CEP85L: variants seen among roughly 807,000 people sequenced by gnomAD.
CEP85L encodes the protein centrosomal protein 85L.
Under a neutral mutation model 100.3 loss-of-function variants are expected in CEP85L, and 60 were observed. The ratio of observed to expected loss-of-function variants is 0.60; its 90% CI spans 0.49 to 0.74. The LOEUF (loss-of-function observed/expected upper bound fraction) is 0.74, where lower values mean the gene tolerates loss of function less well. Among genes scored for constraint, CEP85L ranks in the 30% least tolerant of loss-of-function variants. CEP85L has a pLI of 0.00. For synonymous variants in CEP85L, 319 were observed against 322.7 expected (o/e 0.99, Z 0.12); for missense variants, 973 against 936.2 (o/e 1.04, Z -0.51).
At position 118,667,779 on chromosome 6, in the gene CEP85L, C is replaced by T. The variant is rs560680195; in HGVS notation, c.-27-14971G>A. Among the ~76,000 whole-genome samples the T allele has an allele frequency of 4.6e-5, 7 of 152,264 alleles. No homozygotes were observed. In the South Asian group the frequency reaches 1.0e-3, roughly 23 times the overall value. On this transcript the variant is annotated intron_variant, in intron 1 of 13. Transcript: ENST00000368488. ...CAGCCCAGTCCAATGCACAGATCTC[C>T]CCCTTTCTATCTACTACCCACTGTG...
At chr6:118,529,793 T>G (rs973944) in intron 3 of CEP85L, among the ~76,000 whole-genome samples, 70,502 of 151,824 alleles carry the variant, frequency 0.46, 16,883 homozygotes, top group Middle Eastern at 0.57. Flanking sequence ...TTAGCTTTAG[T>G]ACATTAATAT....
At chr6:118,492,427 T>C (rs911026818) in intron 5 of CEP85L, among the ~76,000 whole-genome samples, 2 of 152,084 alleles carry the variant, frequency 1.3e-5, no homozygotes, top group East Asian at 1.9e-4. Flanking sequence ...TAGAAAAAAA[T>C]GGCACAAAAT....
At chr6:118,568,385 C>G (rs1283943543) in intron 2 of CEP85L, among the ~76,000 whole-genome samples, 1 of 152,212 alleles carries the variant, frequency 6.6e-6, no homozygotes. Context: ...AGCCAGTAAA[C>G]AACTTCTGCT....
At chr6:118,593,277 C>T (rs962045062) in intron 2 of CEP85L, among the ~76,000 whole-genome samples, 1 of 150,986 alleles carries the variant, frequency 6.6e-6, no homozygotes, top group African/African-American at 2.4e-5. Flanking sequence ...TGTGAATATA[C>T]TAAAAGTCAT....
Position 118,462,033 on chromosome 6 carries a change from AAATT to A in CEP85L, c.*3368_*3371del, listed in dbSNP as rs1434506853. On this transcript the variant is annotated 3_prime_UTR_variant, in exon 13 of 13. Coordinates refer to ENST00000368491, the MANE Select transcript of CEP85L (RefSeq NM_001042475.3). ...AGCTCCTTTAAAAACATCCTCTAAG[AAATT>A]AATAATTCTTGCACTATGAAAGAAT... 2 of 152,070 alleles carry A rather than the reference AAATT, an allele frequency of 1.3e-5. No individual in the cohort carries two copies. Among genetic ancestry groups the A allele is most frequent in the South Asian group, 2.1e-4 (1 of 4,834 alleles). The allele number at this position is 152,070 out of a possible 1,614,324, so 9.4% of individuals were successfully genotyped here.
intron 4 of CEP85L, among the ~76,000 whole-genome samples, chr6:118,519,659 A>G (rs1776545053): frequency 6.6e-6 from 1 of 151,410 alleles, no homozygotes; most frequent in Non-Finnish European, 1.5e-5. Context: ...AAAGTAATAA[A>G]TAGCCCTATG....
chr6:118,461,509 T>C lies in CEP85L; in HGVS notation c.*3896A>G, dbSNP rs1432288842. 1 of 152,094 alleles carries C rather than the reference T, an allele frequency of 6.6e-6. No homozygotes were observed. Among genetic ancestry groups the C allele is most frequent in the Non-Finnish European group, 1.5e-5 (1 of 67,956 alleles). 9.4% of individuals were successfully genotyped at this position (152,094 alleles called of 1,614,324 possible). On this transcript the variant is annotated 3_prime_UTR_variant, in exon 13 of 13. Coordinates refer to ENST00000368491, the MANE Select transcript of CEP85L (RefSeq NM_001042475.3). ...ATGTAAAATAGAAATAAATGCTTAC[T>C]GCAGGCAAAAAGGCACAAAAGGTTC... is the stretch of plus-strand genomic sequence containing the variant.
intron 1 of CEP85L, among the ~76,000 whole-genome samples, chr6:118,648,610 C>T (rs886366363): frequency 6.6e-6 from 1 of 151,786 alleles, no homozygotes; most frequent in Admixed American, 6.6e-5. Flanking sequence ...GGTGTGGTGG[C>T]GGGAGCCTGT....
At chr6:118,702,911 G>C (rs1388966987) in intron 1 of CEP85L, among the ~76,000 whole-genome samples, 1 of 151,088 alleles carries the variant, frequency 6.6e-6, no homozygotes. Context: ...CAGGAGAATG[G>C]CATGAACCTG....
chr6:118,490,025 T>C (rs2114597380), intron 6 of CEP85L, among the ~76,000 whole-genome samples: 1 of 152,096 alleles, frequency 6.6e-6, no homozygotes, highest in Admixed American at 6.5e-5. Flanking sequence ...TGGAATATTA[T>C]TCAAACTTTG....
At chr6:118,637,703 CAAAAAAAAA>C (rs11388747) in intron 1 of CEP85L, among the ~76,000 whole-genome samples, 3 of 45,440 alleles carry the variant, frequency 6.6e-5, no homozygotes, top group Non-Finnish European at 1.1e-4. Flanking sequence ...AAGACTGTCT[CAAAAAAAAA>C]AAAAAAAAAA....
At chr6:118,700,351 C>T (rs974251279) in intron 1 of CEP85L, among the ~76,000 whole-genome samples, 2 of 152,234 alleles carry the variant, frequency 1.3e-5, no homozygotes, top group Non-Finnish European at 2.9e-5. Context: ...ATTTCCTGTT[C>T]ATTTGGAATG....
In CEP85L at chr6:118,565,514, G is replaced by C; in HGVS notation, c.1020+15C>G. The C allele has an allele frequency of 1.9e-6, 3 of 1,612,958 alleles. No individual in the cohort carries two copies. Among genetic ancestry groups the C allele is most frequent in the East Asian group, 2.2e-5 (1 of 44,862 alleles). ...ATCCACTGGAGGGAAGCAAACACTA[G>C]ATTTTGCACCTTACCTGCATTGGTG... On this transcript the variant is annotated intron_variant, in intron 3 of 12. Coordinates refer to ENST00000368491, the MANE Select transcript of CEP85L (RefSeq NM_001042475.3).
intron 1 of CEP85L, among the ~76,000 whole-genome samples, chr6:118,668,437 T>C (rs1400279459): frequency 6.6e-6 from 1 of 152,180 alleles, no homozygotes; most frequent in African/African-American, 2.4e-5. Flanking sequence ...AAGTATGCCT[T>C]CAATTAAAAG....
At chr6:118,612,062 C>T (rs1772664487) in intron 2 of CEP85L, among the ~76,000 whole-genome samples, 2 of 152,088 alleles carry the variant, frequency 1.3e-5, no homozygotes, top group Admixed American at 1.3e-4. Context: ...ACAGAACATA[C>T]ATCAAATATA....
At chr6:118,513,329 G>A (rs1343985903) in intron 4 of CEP85L, among the ~76,000 whole-genome samples, 1 of 152,032 alleles carries the variant, frequency 6.6e-6, no homozygotes, top group Admixed American at 6.6e-5. Context: ...CAAATCTGAT[G>A]AGAACTATAC....
upstream of CEP85L, among the ~76,000 whole-genome samples, chr6:118,654,353 AAAAATAT>A (rs1775702860): frequency 6.6e-6 from 1 of 152,202 alleles, no homozygotes; most frequent in African/African-American, 2.4e-5. Flanking sequence ...TTATATTTAC[AAAAATAT>A]AAAATATATA....
At chr6:118,558,590 G>C (rs373940496) in intron 3 of CEP85L, among the ~76,000 whole-genome samples, 1 of 150,472 alleles carries the variant, frequency 6.6e-6, no homozygotes, top group Non-Finnish European at 1.5e-5. Context: ...CAAAAAAGGA[G>C]AGAAAGAGAG....
chr6:118,554,702 A>G (rs773395640), intron 3 of CEP85L, among the ~76,000 whole-genome samples: 4 of 152,216 alleles, frequency 2.6e-5, no homozygotes, highest in Non-Finnish European at 5.9e-5. Flanking sequence ...AGAGGTGACA[A>G]CCAATTCCAC....
Sources: allele counts gnomAD v4.1 joint callset (sites outside exome capture counted in the v4.1 genomes callset), GRCh38; gene constraint gnomAD v4.1.1; transcripts MANE v1.5; gene names NCBI Gene and HGNC (gene_info 2026-07-23, HGNC 2026-07-21).